ARHGAP15: variants seen among roughly 807,000 people sequenced by gnomAD.
ARHGAP15 encodes rho GTPase-activating protein 15.
ARHGAP15 carries 51 observed loss-of-function variants against 63.7 expected under a neutral mutation model. The observed-to-expected ratio is 0.80, with a 90% CI of 0.64 to 1.01. The LOEUF (loss-of-function observed/expected upper bound fraction) is 1.01. Ranked by LOEUF, ARHGAP15 falls within the 50% of genes least tolerant of loss-of-function variation. ARHGAP15 has a pLI of 0.00. For missense variants in ARHGAP15, 560 were observed against 564.6 expected (o/e 0.99, Z 0.08); for synonymous variants, 191 against 193.8 (o/e 0.99, Z 0.12).
intron 12 of ARHGAP15, among the ~76,000 whole-genome samples, chr2:143,695,529 G>T (rs1419812363): frequency 1.3e-5 from 2 of 152,116 alleles, no homozygotes; most frequent in African/African-American, 4.8e-5. Flanking sequence ...CTGAGGAAAT[G>T]TTATCATCCT....
chr2:143,216,297 G>T (rs2304726), intron 3 of ARHGAP15, 87 bp from the exon 4 acceptor site: 3 of 1,026,678 alleles, frequency 2.9e-6, no homozygotes, highest in Admixed American at 2.4e-5. Context: ...TTCCGTCACT[G>T]CAATGACTCT....
chr2:143,725,998 T>C (rs1295334272), intron 13 of ARHGAP15, among the ~76,000 whole-genome samples: 2 of 152,220 alleles, frequency 1.3e-5, no homozygotes, highest in African/African-American at 4.8e-5. Flanking sequence ...GTATAAAAGA[T>C]GGGACAATTA....
chr2:143,403,966 C>G (rs1688094883), intron 6 of ARHGAP15, among the ~76,000 whole-genome samples: 1 of 151,408 alleles, frequency 6.6e-6, no homozygotes, highest in South Asian at 2.1e-4. Flanking sequence ...CCACATTACT[C>G]AAGACATATT....
chr2:143,258,828 C>G (rs1680559808), intron 6 of ARHGAP15, among the ~76,000 whole-genome samples: 2 of 152,118 alleles, frequency 1.3e-5, no homozygotes, highest in Non-Finnish European at 2.9e-5. Flanking sequence ...TTGACCTCAG[C>G]CTCATCAATT....
At chr2:143,186,323 G>A (rs1044020700) in intron 2 of ARHGAP15, among the ~76,000 whole-genome samples, 3 of 152,020 alleles carry the variant, frequency 2.0e-5, no homozygotes, top group Non-Finnish European at 4.4e-5. Context: ...TTCTGTTAAA[G>A]TTTTCTGTTT....
At chr2:143,278,868 C>CTT (rs965265275) in intron 6 of ARHGAP15, among the ~76,000 whole-genome samples, 25,014 of 135,160 alleles carry the variant, frequency 0.19, 2,543 homozygotes, top group African/African-American at 0.27. Flanking sequence ...TTCTTTCTTT[C>CTT]TTTTTTTTTT....
At chr2:143,252,221 G>A (rs34176662) in intron 6 of ARHGAP15, among the ~76,000 whole-genome samples, 25,691 of 151,860 alleles carry the variant, frequency 0.17, 2,340 homozygotes, top group Middle Eastern at 0.25. Context: ...TATATTTGAT[G>A]CATACAGGGC....
At chr2:143,182,619 A>T (rs1691284601) in intron 2 of ARHGAP15, among the ~76,000 whole-genome samples, 1 of 152,114 alleles carries the variant, frequency 6.6e-6, no homozygotes. Context: ...TTCACCAGCA[A>T]ATCTCAGTTT....
At chr2:143,333,333 T>C (rs1035696522) in intron 6 of ARHGAP15, among the ~76,000 whole-genome samples, 1 of 152,224 alleles carries the variant, frequency 6.6e-6, no homozygotes, top group African/African-American at 2.4e-5. Flanking sequence ...AGATGACACG[T>C]CGGTGAACTT....
chr2:143,234,096 T>G (rs1693548666), intron 5 of ARHGAP15, among the ~76,000 whole-genome samples: 1 of 152,228 alleles, frequency 6.6e-6, no homozygotes, highest in Non-Finnish European at 1.5e-5. Flanking sequence ...TGAGCTGCAT[T>G]GCAAATAATT....
chr2:143,413,968 C>T (rs866416210), intron 6 of ARHGAP15, among the ~76,000 whole-genome samples: 1,202 of 31,046 alleles, frequency 0.039, 25 homozygotes, highest in African/African-American at 0.17. Flanking sequence ...TGTGTGTGTG[C>T]GCGCTCTCTG....
intron 4 of ARHGAP15, among the ~76,000 whole-genome samples, chr2:143,218,121 T>C (rs1692829993): frequency 6.6e-6 from 1 of 152,188 alleles, no homozygotes; most frequent in African/African-American, 2.4e-5. Context: ...TTGTATACTA[T>C]TGTGTTTTTG....
At chr2:143,309,991 T>G (rs1373325067) in intron 6 of ARHGAP15, among the ~76,000 whole-genome samples, 2 of 151,956 alleles carry the variant, frequency 1.3e-5, no homozygotes, top group Admixed American at 1.3e-4. Flanking sequence ...CAATTATTAA[T>G]TTTATGTTCT....
chr2:143,166,002 G>GAAAACA (rs67785845), intron 2 of ARHGAP15, among the ~76,000 whole-genome samples: 2 of 75,268 alleles, frequency 2.7e-5, no homozygotes, highest in African/African-American at 1.2e-4. Flanking sequence ...AAGAAAGAAA[G>GAAAACA]AAGGAAGGAA....
chr2:143,748,967 A>AT (rs906054723), intron 13 of ARHGAP15, among the ~76,000 whole-genome samples: 54 of 150,722 alleles, frequency 3.6e-4, no homozygotes, highest in African/African-American at 8.3e-4. Context: ...AGAATATCTG[A>AT]TTTTTTTTTT....
At chr2:143,585,836 T>C (rs961389853) in intron 11 of ARHGAP15, among the ~76,000 whole-genome samples, 2 of 152,180 alleles carry the variant, frequency 1.3e-5, no homozygotes, top group Admixed American at 1.3e-4. Context: ...TTGGTCTTAT[T>C]CTATGCTGCA....
chr2:143,419,611 TA>T (rs1436406562), intron 6 of ARHGAP15, among the ~76,000 whole-genome samples: 1 of 151,770 alleles, frequency 6.6e-6, no homozygotes, highest in African/African-American at 2.4e-5. Context: ...TAAGATACGA[TA>T]TTGTATATTT....
At chr2:143,417,237 A>G (rs1688730340) in intron 6 of ARHGAP15, among the ~76,000 whole-genome samples, 1 of 151,222 alleles carries the variant, frequency 6.6e-6, no homozygotes, top group South Asian at 2.1e-4. Context: ...TACTTGTCAC[A>G]TTTTCTAATT....
At chr2:143,253,867 GAT>G (rs1361130270) in intron 6 of ARHGAP15, among the ~76,000 whole-genome samples, 1 of 151,924 alleles carries the variant, frequency 6.6e-6, no homozygotes, top group Non-Finnish European at 1.5e-5. Flanking sequence ...AACACAGAAA[GAT>G]AGTACACATT....
Sources: gnomAD v4.1 joint callset for allele counts (sites outside exome capture counted in the v4.1 genomes callset) on GRCh38, gnomAD v4.1.1 for gene constraint, MANE v1.5 for transcripts, NCBI Gene and HGNC (gene_info 2026-07-23, HGNC 2026-07-21) for gene names.